Variants in SFSWAP observed in about 807,000 individuals in gnomAD.
SFSWAP encodes the protein splicing factor, suppressor of white-apricot homolog.
SFSWAP carries 17 observed loss-of-function variants against 100.7 expected under a neutral mutation model. The ratio of observed to expected loss-of-function variants is 0.17; its 90% CI spans 0.12 to 0.25. The LOEUF is 0.25. SFSWAP is among the 10% of genes least tolerant of loss of function. The probability of loss-of-function intolerance (pLI) is 1.00; values close to 1 mark genes in which losing one functional copy is unlikely to be tolerated. For missense variants in SFSWAP, 1,005 were observed against 1,262.6 expected, an observed-to-expected ratio of 0.80 and a Z score of 3.09; for synonymous variants, 504 against 510.1, an observed-to-expected ratio of 0.99 and a Z score of 0.16.
chr12:131,755,897 G>A (rs1882110924), intron 10 of SFSWAP, among the ~76,000 whole-genome samples: 1 of 152,242 alleles, frequency 6.6e-6, no homozygotes, highest in Admixed American at 6.5e-5. Flanking sequence ...CTGCAGCACG[G>A]CCTCTGCCTG....
chr12:131,790,028 C>T (rs1885141138), intron 15 of SFSWAP, among the ~76,000 whole-genome samples: 1 of 152,226 alleles, frequency 6.6e-6, no homozygotes, highest in Admixed American at 6.5e-5. Flanking sequence ...TGGGTGACCC[C>T]TGCCTGAATC....
Position 131,785,613 on chromosome 12 carries a change from AG to A in SFSWAP, c.2409-846del, listed in dbSNP as rs570281823. The A allele has an allele frequency of 2.4e-4, 40 of 167,908 alleles. No individual in the cohort carries two copies. In the South Asian group the frequency reaches 5.8e-3, roughly 24 times the overall value. The allele number at this position is 167,908 out of a possible 1,614,324, so 10.4% of individuals were successfully genotyped here. On this transcript the variant is annotated intron_variant, in intron 14 of 17. Coordinates refer to ENST00000261674, the MANE Select transcript of SFSWAP (RefSeq NM_004592.4). Reference sequence around the variant, plus strand: ...AATGAAGGTCCCAAACTCATCGCTAAGGGGCCTCCACTAAAGAGCATCACCC... The same window carrying A: ...AATGAAGGTCCCAAACTCATCGCTAAGGGCCTCCACTAAAGAGCATCACCC...
At chr12:131,732,366 G>A (rs1261911200) in intron 7 of SFSWAP, among the ~76,000 whole-genome samples, 1 of 152,244 alleles carries the variant, frequency 6.6e-6, no homozygotes. Flanking sequence ...TTCCTTCTCA[G>A]ACTGTTGTGA....
intron 7 of SFSWAP, among the ~76,000 whole-genome samples, chr12:131,742,348 A>G (rs1341079186): frequency 6.6e-6 from 1 of 152,226 alleles, no homozygotes; most frequent in Non-Finnish European, 1.5e-5. Flanking sequence ...TCAGTACAGC[A>G]TTAAAAATTG....
At chr12:131,754,857 T>C (rs1308784478) in intron 9 of SFSWAP, among the ~76,000 whole-genome samples, 3 of 152,042 alleles carry the variant, frequency 2.0e-5, no homozygotes, top group Non-Finnish European at 4.4e-5. Context: ...GGTCTCAAAC[T>C]CCTGACCTCA....
At chr12:131,767,573 GACA>G (rs1307857219) in intron 13 of SFSWAP, among the ~76,000 whole-genome samples, 1 of 152,204 alleles carries the variant, frequency 6.6e-6, no homozygotes, top group Non-Finnish European at 1.5e-5. Flanking sequence ...ATTAAAAGCT[GACA>G]ACATTTGAAC....
intron 7 of SFSWAP, among the ~76,000 whole-genome samples, chr12:131,742,013 A>T (rs897656): frequency 0.89 from 135,223 of 152,156 alleles, 61,117 homozygotes; most frequent in East Asian, 0.99. Context: ...TTCTCTTAGC[A>T]CCTTTTTCTT....
At chr12:131,761,171 G>A (rs1290160050) in intron 11 of SFSWAP, among the ~76,000 whole-genome samples, 1 of 152,184 alleles carries the variant, frequency 6.6e-6, no homozygotes, top group Admixed American at 6.5e-5. Flanking sequence ...ATGTTCAGAT[G>A]ATTTTTTTTC....
intron 15 of SFSWAP, among the ~76,000 whole-genome samples, chr12:131,787,537 G>A (rs1884979276): frequency 6.6e-6 from 1 of 152,220 alleles, no homozygotes; most frequent in Non-Finnish European, 1.5e-5. Flanking sequence ...GGTGGACCGT[G>A]TCTGCGTCTG....
intron 11 of SFSWAP, among the ~76,000 whole-genome samples, chr12:131,758,886 A>T (rs1882414077): frequency 1.3e-5 from 2 of 152,174 alleles, no homozygotes; most frequent in South Asian, 4.1e-4. Flanking sequence ...GGAGATAGAA[A>T]CCAGCCTGGA....
chr12:131,783,820 AT>A (rs1207583830), intron 14 of SFSWAP: 10 of 129,068 alleles, frequency 7.7e-5, no homozygotes, highest in East Asian at 2.4e-4. Context: ...ATATATATAT[AT>A]AATTCTTTGT....
intron 13 of SFSWAP, 89 bp from the exon 14 acceptor site, chr12:131,777,976 G>T: frequency 6.6e-7 from 1 of 1,525,512 alleles, no homozygotes; most frequent in South Asian, 1.3e-5. Flanking sequence ...GTTTGTTGGT[G>T]TGAGGGGCCC....
At position 131,799,116 on chromosome 12, in the gene SFSWAP, G is replaced by C. The variant is rs940954061; in HGVS notation, c.2790+7G>C. ...GCAGAGCAAAATCACTCAGGTCAGTGGGCACGCCCCCCTCCCGCTCCCAGC... is the reference window on the plus strand; with the variant it reads ...GCAGAGCAAAATCACTCAGGTCAGTCGGCACGCCCCCCTCCCGCTCCCAGC... On this transcript the variant is annotated splice_region_variant and intron_variant, in intron 17 of 17. Coordinates refer to ENST00000261674, the MANE Select transcript of SFSWAP (RefSeq NM_004592.4). 6.2e-7 allele frequency: 1 copy of C among 1,610,660 alleles called. No individual in the cohort carries two copies. Among genetic ancestry groups the C allele is most frequent in the Middle Eastern group, 1.7e-4 (1 of 6,038 alleles).
intron 9 of SFSWAP, 58 bp downstream of exon 9, chr12:131,754,557 T>C (rs1237417193): frequency 3.3e-5 from 44 of 1,320,386 alleles, no homozygotes; most frequent in Non-Finnish European, 4.1e-5. Flanking sequence ...CGTTTAGCCT[T>C]TTTTTAAAAA....
intron 7 of SFSWAP, among the ~76,000 whole-genome samples, chr12:131,744,997 C>T (rs1880981423): frequency 6.6e-6 from 1 of 152,178 alleles, no homozygotes; most frequent in Non-Finnish European, 1.5e-5. Flanking sequence ...CTGTCACCTC[C>T]TACCAGGCTC....
chr12:131,729,579 G>T (rs1361136631), intron 7 of SFSWAP, among the ~76,000 whole-genome samples: 2 of 152,210 alleles, frequency 1.3e-5, no homozygotes, highest in Non-Finnish European at 2.9e-5. Context: ...TTTTCTCGCT[G>T]ATTGCAGTTC....
chr12:131,723,030 C>G (rs1318218703), intron 4 of SFSWAP, among the ~76,000 whole-genome samples: 1 of 152,206 alleles, frequency 6.6e-6, no homozygotes, highest in Non-Finnish European at 1.5e-5. Context: ...TTAAGAGTAA[C>G]TGCCCTAAGT....
At position 131,711,491 on chromosome 12, in the gene SFSWAP, CG is replaced by C; in HGVS notation, c.218+45del. On this transcript the variant is annotated intron_variant, in intron 1 of 17. Coordinates refer to ENST00000261674, the MANE Select transcript of SFSWAP (RefSeq NM_004592.4). This position sits in a 1 kb window ranked among gnomAD's most constrained non-coding sequence, Gnocchi z 4.9. ...CCGTCGATCCTTCCCTTCCCTCACCCGCTTGATCTCGTCTGATGTTGACTTG... is the reference window on the plus strand; with the variant it reads ...CCGTCGATCCTTCCCTTCCCTCACCCCTTGATCTCGTCTGATGTTGACTTG... 1 of 1,485,582 alleles carries C rather than the reference CG, an allele frequency of 6.7e-7. No individual in the cohort carries two copies. The highest frequency in any genetic ancestry group is 9.4e-7 in the Non-Finnish European group (1 of 1,068,616). The allele number at this position is 1,485,582 out of a possible 1,614,324, so 92.0% of individuals were successfully genotyped here. A position where few individuals can be genotyped will look rare whatever the true frequency, so the allele number is the denominator to read the frequency against.
chr12:131,799,058 A>C lies in SFSWAP; in HGVS notation c.2739A>C (p.Glu913Asp). 1 of 1,613,990 alleles carries C rather than the reference A, an allele frequency of 6.2e-7. No individual in the cohort carries two copies. The highest frequency in any genetic ancestry group is 8.5e-7 in the Non-Finnish European group (1 of 1,179,862). The change falls in exon 17 of 18, where the codon GAA (glutamate) becomes GAC (aspartate). Residue 913 changes from glutamate (E) to aspartate (D), a missense_variant. By Grantham distance (45) the Glu-to-Asp change is conservative (BLOSUM62 2). Transcript: ENST00000261674. ...ERSRGVSQEK[E>D]AQISSAIVSS... The stretch of plus-strand genomic sequence containing the variant: ...TTAGGGGAGTCTCTCAGGAAAAAGA[A>C]GCCCAGATCTCTTCAGCAATCGTTT...
Sources: gnomAD v4.1 joint callset for allele counts (sites outside exome capture counted in the v4.1 genomes callset) on GRCh38, gnomAD v4.1.1 for gene constraint, Gnocchi (gnomAD v3.1) non-coding constraint, MANE v1.5 for transcripts, NCBI Gene and HGNC (gene_info 2026-07-23, HGNC 2026-07-21) for gene names.